The following LRCH1 variants were observed in gnomAD, a reference collection of about 807,000 sequenced individuals.
The protein encoded by LRCH1 is leucine rich repeats and calponin homology domain containing 1.
In LRCH1, 23 loss-of-function variants were observed where a neutral mutation model predicts 94.9. The observed-to-expected ratio is 0.24, with a 90% CI of 0.17 to 0.34. The LOEUF (loss-of-function observed/expected upper bound fraction) is 0.34. LRCH1 is among the 10% of genes least tolerant of loss of function. The pLI is 1.00. For synonymous variants in LRCH1, 364 were observed against 354.9 expected (o/e 1.03, Z -0.29); for missense variants, 790 against 945.9 (o/e 0.84, Z 2.16).
chr13:46,625,165 G>A (rs1183722677), intron 1 of LRCH1, among the ~76,000 whole-genome samples: 1 of 152,222 alleles, frequency 6.6e-6, no homozygotes, highest in Non-Finnish European at 1.5e-5. Flanking sequence ...CACGTTGAGG[G>A]GTAGCTTAAG....
rs537293189 is a variant in LRCH1, at chr13:46,657,623, T to G, written c.452+7278T>G. Among the ~76,000 whole-genome samples the G allele has an allele frequency of 8.7e-4, 119 of 136,980 alleles. 1 individual carries two copies. Among genetic ancestry groups the G allele is most frequent in the African/African-American group, 3.0e-3 (111 of 37,096 alleles). 89.9% of individuals were successfully genotyped at this position (136,980 alleles called of 152,430 possible). A position where few individuals can be genotyped will look rare whatever the true frequency, so the allele number is the denominator to read the frequency against. On this transcript the variant is annotated intron_variant, in intron 2 of 19. Transcript: ENST00000389797. ...TACTGCAGCCTCGACCTCCCTGGGC[T>G]CAGGTGACCCTTCCATTTCAGCCTC...
At chr13:46,741,615 CT>C in intron 19 of LRCH1, 26 bp from the exon 20 acceptor site, 1 of 1,613,912 alleles carries the variant, frequency 6.2e-7, no homozygotes, top group Non-Finnish European at 8.5e-7. Flanking sequence ...CTGTCTCTTT[CT>C]GTTCTAATGG....
At chr13:46,660,756 A>G (rs2051437866) in intron 2 of LRCH1, among the ~76,000 whole-genome samples, 1 of 152,038 alleles carries the variant, frequency 6.6e-6, no homozygotes. Flanking sequence ...TTGGTCTTCA[A>G]TCTTCTCTCC....
chr13:46,592,935 A>T (rs547179812), intron 1 of LRCH1, among the ~76,000 whole-genome samples: 148 of 152,094 alleles, frequency 9.7e-4, no homozygotes, highest in African/African-American at 3.2e-3. Flanking sequence ...CTCTACCTAA[A>T]ATTCCCTTAC....
At chr13:46,600,785 T>G (rs1372485632) in intron 1 of LRCH1, among the ~76,000 whole-genome samples, 1 of 152,238 alleles carries the variant, frequency 6.6e-6, no homozygotes, top group Non-Finnish European at 1.5e-5. Context: ...ATCATGCAGT[T>G]TAACAAATAC....
intron 1 of LRCH1, among the ~76,000 whole-genome samples, chr13:46,575,987 C>T (rs748929283): frequency 6.6e-6 from 1 of 152,108 alleles, no homozygotes; most frequent in Non-Finnish European, 1.5e-5. Flanking sequence ...ACCTAATACT[C>T]GACTTTGGAA....
chr13:46,572,453 G>A (rs544333188), intron 1 of LRCH1, among the ~76,000 whole-genome samples: 5 of 152,262 alleles, frequency 3.3e-5, no homozygotes, highest in African/African-American at 1.2e-4. Flanking sequence ...AAATAGGTGC[G>A]TGAAATGAAA....
intron 13 of LRCH1, among the ~76,000 whole-genome samples, chr13:46,711,539 C>T (rs776995038): frequency 6.6e-6 from 1 of 152,208 alleles, no homozygotes; most frequent in Non-Finnish European, 1.5e-5. Flanking sequence ...GAGTGAACTC[C>T]TTGCTCTGGG....
chr13:46,636,439 C>T (rs898150538), intron 1 of LRCH1, among the ~76,000 whole-genome samples: 1 of 152,186 alleles, frequency 6.6e-6, no homozygotes, highest in South Asian at 2.1e-4. Context: ...AGCCACCAAT[C>T]TGCAGAATGT....
At chr13:46,578,747 T>A (rs990179293) in intron 1 of LRCH1, among the ~76,000 whole-genome samples, 1 of 151,940 alleles carries the variant, frequency 6.6e-6, no homozygotes, top group Non-Finnish European at 1.5e-5. Flanking sequence ...AATTATGCAG[T>A]CAGATGCTTA....
chr13:46,606,636 A>G (rs2050690835), intron 1 of LRCH1, among the ~76,000 whole-genome samples: 1 of 152,132 alleles, frequency 6.6e-6, no homozygotes, highest in Admixed American at 6.5e-5. Context: ...CAGTGGCACA[A>G]TCTCAGCTCA....
At chr13:46,568,315 A>G (rs2050206913) in intron 1 of LRCH1, among the ~76,000 whole-genome samples, 2 of 152,194 alleles carry the variant, frequency 1.3e-5, no homozygotes, top group South Asian at 4.1e-4. Context: ...AGCATGATTT[A>G]GATAAGTTAT....
At chr13:46,751,550 G>C (rs898523766) in exon 19 of LRCH1, 3 of 152,104 alleles carry the variant, frequency 2.0e-5, no homozygotes, top group African/African-American at 7.2e-5. Flanking sequence ...TAAACTTGAA[G>C]CTAAAATGTG....
chr13:46,689,831 T>C (rs1211951920), intron 7 of LRCH1, among the ~76,000 whole-genome samples: 1 of 152,170 alleles, frequency 6.6e-6, no homozygotes, highest in Non-Finnish European at 1.5e-5. Flanking sequence ...AACTGATTTA[T>C]TATCTCACAT....
chr13:46,667,887 G>A (rs2051541597), intron 2 of LRCH1, among the ~76,000 whole-genome samples: 3 of 152,132 alleles, frequency 2.0e-5, no homozygotes, highest in Non-Finnish European at 2.9e-5. Flanking sequence ...TAGTATTTTG[G>A]TGTATTTCCA....
At chr13:46,681,956 G>GTGTGTGTGTGTGTGTC in intron 4 of LRCH1, 110 bp downstream of exon 4, 1 of 642,058 alleles carries the variant, frequency 1.6e-6, no homozygotes. Flanking sequence ...GTGTGTGTGT[G>GTGTGTGTGTGTGTGTC]TGTGTGTGTG....
At position 46,742,113 on chromosome 13, in the gene LRCH1, A is replaced by G. The variant is rs1195661208; in HGVS notation, c.*265A>G. 1.8e-5 allele frequency: 23 copies of G among 1,297,164 alleles called. No homozygotes were observed. Among genetic ancestry groups the G allele is most frequent in the Non-Finnish European group, 2.0e-5 (20 of 1,017,710 alleles). The allele number at this position is 1,297,164 out of a possible 1,614,324, so 80.4% of individuals were successfully genotyped here. On this transcript the variant is annotated 3_prime_UTR_variant, in exon 20 of 20. Transcript: ENST00000389797. ...ACACCGCATGCTTCCTCATCCACAT[A>G]GTGCCAGCAGCAGTGCCACGCAGTT... is the stretch of plus-strand genomic sequence containing the variant.
chr13:46,646,951 A>G (rs1280563292), intron 1 of LRCH1, among the ~76,000 whole-genome samples: 4 of 151,144 alleles, frequency 2.6e-5, no homozygotes, highest in East Asian at 1.9e-4. Context: ...CATCTGTACT[A>G]AAAATACAAA....
At chr13:46,596,398 AT>A (rs1237273946) in intron 1 of LRCH1, among the ~76,000 whole-genome samples, 1 of 152,234 alleles carries the variant, frequency 6.6e-6, no homozygotes, top group Admixed American at 6.5e-5. Context: ...GATAAAAAAA[AT>A]CATGTGTTAC....
Sources: gnomAD v4.1 joint callset for allele counts (sites outside exome capture counted in the v4.1 genomes callset) on GRCh38, gnomAD v4.1.1 for gene constraint, MANE v1.5 for transcripts, NCBI Gene and HGNC (gene_info 2026-07-23, HGNC 2026-07-21) for gene names.